Variants in DLG2 observed in about 807,000 individuals in gnomAD.
The protein encoded by DLG2 is disks large homolog 2.
In DLG2, 45 loss-of-function variants were observed where a neutral mutation model predicts 132.5. The observed-to-expected ratio is 0.34, with a 90% CI of 0.27 to 0.44. The LOEUF (loss-of-function observed/expected upper bound fraction) is 0.44. DLG2 is among the 20% of genes least tolerant of loss of function. DLG2 has a pLI of 1.00. For missense variants in DLG2, 1,045 were observed against 1,196.9 expected (o/e 0.87, Z 1.87); for synonymous variants, 424 against 419.6 (o/e 1.01, Z -0.13).
chr11:84,667,483 T>C (rs934843547), intron 6 of DLG2, among the ~76,000 whole-genome samples: 1 of 36,422 alleles, frequency 2.7e-5, no homozygotes, highest in Non-Finnish European at 4.7e-5. Context: ...TTTTTGTTTT[T>C]GTTTTTTGTT....
At chr11:84,603,187 C>G (rs1174439902) in intron 6 of DLG2, among the ~76,000 whole-genome samples, 1 of 151,904 alleles carries the variant, frequency 6.6e-6, no homozygotes, top group Non-Finnish European at 1.5e-5. Context: ...GCTTATTAGT[C>G]TGTCCTGAAC....
intron 7 of DLG2, among the ~76,000 whole-genome samples, chr11:84,286,930 C>G (rs1047239223): frequency 6.6e-6 from 1 of 152,150 alleles, no homozygotes; most frequent in African/African-American, 2.4e-5. Flanking sequence ...GGTCAACTTT[C>G]CAGATTAGAA....
chr11:83,962,402 T>G (rs1225225687), intron 14 of DLG2, among the ~76,000 whole-genome samples: 1 of 152,006 alleles, frequency 6.6e-6, no homozygotes, highest in Non-Finnish European at 1.5e-5. Context: ...TTGGGGGAAA[T>G]TTTTGTTCCT....
At chr11:85,486,749 A>G (rs754456348) in intron 3 of DLG2, among the ~76,000 whole-genome samples, 1 of 151,810 alleles carries the variant, frequency 6.6e-6, no homozygotes, top group Non-Finnish European at 1.5e-5. Flanking sequence ...CACCCTTATC[A>G]CACCTGCTGC....
chr11:84,873,575 A>G (rs1402580928), intron 6 of DLG2, among the ~76,000 whole-genome samples: 2 of 152,262 alleles, frequency 1.3e-5, no homozygotes, highest in Non-Finnish European at 1.5e-5. Context: ...GGAAAGCCAT[A>G]CAATCCTGTG....
At chr11:84,604,898 T>A (rs916311184) in intron 6 of DLG2, among the ~76,000 whole-genome samples, 2 of 151,988 alleles carry the variant, frequency 1.3e-5, no homozygotes, top group African/African-American at 4.8e-5. Flanking sequence ...AAAAGGGAAC[T>A]TTTAAAAAAT....
chr11:83,645,609 C>T (rs925198421), intron 18 of DLG2: 2 of 152,148 alleles, frequency 1.3e-5, no homozygotes, highest in South Asian at 4.1e-4. Flanking sequence ...GCAAATTTAT[C>T]TTTCCTCTGA....
chr11:85,483,016 AAGAG>A (rs1284967846), intron 3 of DLG2, among the ~76,000 whole-genome samples: 1 of 152,244 alleles, frequency 6.6e-6, no homozygotes. Context: ...GGAGAAAAGA[AAGAG>A]AAAGACAAAG....
chr11:84,256,824 A>C (rs754795108), intron 7 of DLG2, among the ~76,000 whole-genome samples: 49 of 152,116 alleles, frequency 3.2e-4, no homozygotes, highest in Non-Finnish European at 5.3e-4. Context: ...ATGTGTGTGC[A>C]TGTGTATGTG....
chr11:83,544,587 C>T (rs114512758), intron 19 of DLG2, among the ~76,000 whole-genome samples: 18 of 152,210 alleles, frequency 1.2e-4, no homozygotes, highest in African/African-American at 4.1e-4. Flanking sequence ...ACCTTGCCCC[C>T]TCATTCATCC....
At chr11:85,614,543 G>A (rs1565765078) in intron 2 of DLG2, among the ~76,000 whole-genome samples, 1 of 152,280 alleles carries the variant, frequency 6.6e-6, no homozygotes, top group East Asian at 1.9e-4. Flanking sequence ...AGGAGGCTGA[G>A]GCAGAAGAAC....
intron 8 of DLG2, among the ~76,000 whole-genome samples, chr11:84,202,817 C>T (rs2096614112): frequency 6.6e-6 from 1 of 152,116 alleles, no homozygotes; most frequent in African/African-American, 2.4e-5. Context: ...AGAACAGACA[C>T]TTCTCAAAAG....
At chr11:84,747,884 T>C (rs1367446896) in intron 6 of DLG2, among the ~76,000 whole-genome samples, 1 of 152,088 alleles carries the variant, frequency 6.6e-6, no homozygotes, top group Non-Finnish European at 1.5e-5. Context: ...AATAGAAAAG[T>C]TCTGCGCCTA....
intron 15 of DLG2, 117 bp downstream of exon 15, chr11:83,930,211 T>C: frequency 8.5e-7 from 1 of 1,177,030 alleles, no homozygotes; most frequent in Non-Finnish European, 1.2e-6. Context: ...AGAACATCTC[T>C]CCACTTTGGG....
At chr11:84,541,150 C>A (rs1294836846) in intron 6 of DLG2, among the ~76,000 whole-genome samples, 1 of 151,564 alleles carries the variant, frequency 6.6e-6, no homozygotes, top group Non-Finnish European at 1.5e-5. Context: ...TGTAACAAAC[C>A]TGCATGTTGT....
intron 6 of DLG2, among the ~76,000 whole-genome samples, chr11:85,028,506 C>A (rs746799059): frequency 6.6e-6 from 1 of 152,134 alleles, no homozygotes; most frequent in Non-Finnish European, 1.5e-5. Flanking sequence ...AGGCCCACAT[C>A]GAGCTGCCTC....
chr11:83,808,843 C>T (rs1427682296), intron 17 of DLG2, among the ~76,000 whole-genome samples: 3 of 152,022 alleles, frequency 2.0e-5, no homozygotes, highest in Admixed American at 1.3e-4. Context: ...CTATTATACC[C>T]TCACCCTTTC....
chr11:84,059,604 A>G lies in DLG2; in HGVS notation c.750-120T>C, dbSNP rs1415919946. ...TAAAGAATCTAAAAAATTTTAAAAT[A>G]TTTAAATTTGGAAGGATGCTTCAAA... On this transcript the variant is annotated intron_variant, in intron 10 of 27. Transcript: ENST00000376104. The G allele has an allele frequency of 3.6e-6, 3 of 832,860 alleles. No homozygotes were observed. In the East Asian group the frequency reaches 9.1e-5, roughly 25 times the overall value. The allele number at this position is 832,860 out of a possible 1,614,324, so 51.6% of individuals were successfully genotyped here.
intron 6 of DLG2, among the ~76,000 whole-genome samples, chr11:84,728,044 ATTTGACT>A (rs758883741): frequency 2.2e-4 from 34 of 151,950 alleles, no homozygotes; most frequent in South Asian, 4.1e-4. Flanking sequence ...TGCAGACACA[ATTTGACT>A]TCCTCTCTTC....
Sources: allele counts gnomAD v4.1 joint callset (sites outside exome capture counted in the v4.1 genomes callset), GRCh38; gene constraint gnomAD v4.1.1; transcripts MANE v1.5; gene names NCBI Gene and HGNC (gene_info 2026-07-23, HGNC 2026-07-21).